Variants in LHPP observed in about 807,000 individuals in gnomAD.
LHPP encodes phospholysine phosphohistidine inorganic pyrophosphate phosphatase.
LHPP carries 24 observed loss-of-function variants against 30.3 expected under a neutral mutation model. The observed-to-expected ratio is 0.79, with a 90% CI of 0.57 to 1.11. The LOEUF (loss-of-function observed/expected upper bound fraction) is 1.11. Ranked by LOEUF, LHPP falls within the 50% of genes most tolerant of loss-of-function variation. The pLI, the probability that LHPP is intolerant of heterozygous loss-of-function variation, is 0.00. For missense variants in LHPP, 356 were observed against 367.2 expected (o/e 0.97, Z 0.25); for synonymous variants, 150 against 157.1 (o/e 0.95, Z 0.34).
At chr10:124,482,833 GTC>G (rs1953182696) in intron 1 of LHPP, among the ~76,000 whole-genome samples, 1 of 152,090 alleles carries the variant, frequency 6.6e-6, no homozygotes, top group African/African-American at 2.4e-5. Flanking sequence ...TCTGCATAGC[GTC>G]TCTCTCTTCT....
chr10:124,483,100 A>AGGGAAGAAGCTCGGGC (rs1440565168), intron 1 of LHPP, among the ~76,000 whole-genome samples: 2 of 152,156 alleles, frequency 1.3e-5, no homozygotes, highest in Non-Finnish European at 2.9e-5. Context: ...TGAAGTCAGG[A>AGGGAAGAAGCTCGGGC]GGGAAGAAGC....
intron 2 of LHPP, among the ~76,000 whole-genome samples, chr10:124,484,932 T>C (rs1306528952): frequency 6.6e-6 from 1 of 152,178 alleles, no homozygotes; most frequent in East Asian, 1.9e-4. Context: ...GGAACAATAT[T>C]ACTGGTGCCT....
At chr10:124,497,118 C>A (rs539292250) in intron 4 of LHPP, 94 bp downstream of exon 4, 10 of 1,008,550 alleles carry the variant, frequency 9.9e-6, no homozygotes, top group Admixed American at 2.0e-5. Context: ...GCTTAATTAA[C>A]GTACAAATGG....
chr10:124,470,145 C>G (rs1952684525), intron 1 of LHPP, among the ~76,000 whole-genome samples: 1 of 152,144 alleles, frequency 6.6e-6, no homozygotes, highest in East Asian at 1.9e-4. Context: ...CCGAGGGGAG[C>G]CATTCAGAGG....
At chr10:124,467,900 G>T (rs888997462) in intron 1 of LHPP, among the ~76,000 whole-genome samples, 1 of 152,048 alleles carries the variant, frequency 6.6e-6, no homozygotes, top group Non-Finnish European at 1.5e-5. Flanking sequence ...AGTAGAGACG[G>T]GGTTTCACCA....
chr10:124,497,584 C>T (rs1319830071), intron 4 of LHPP, among the ~76,000 whole-genome samples: 1 of 152,238 alleles, frequency 6.6e-6, no homozygotes, highest in Admixed American at 6.5e-5. Context: ...ACATCCCGTC[C>T]CATCCTCACA....
chr10:124,612,209 G>A (rs1949211248), intron 6 of LHPP, among the ~76,000 whole-genome samples: 1 of 151,852 alleles, frequency 6.6e-6, no homozygotes. Context: ...TCGGAGACCG[G>A]CCTGGCCAAC....
intron 6 of LHPP, among the ~76,000 whole-genome samples, chr10:124,581,871 T>A (rs1444768281): frequency 6.6e-6 from 1 of 152,184 alleles, no homozygotes; most frequent in African/African-American, 2.4e-5. Context: ...AAGCTCCGCC[T>A]CCTGGGTTCA....
intron 6 of LHPP, among the ~76,000 whole-genome samples, chr10:124,560,412 C>G (rs1948377362): frequency 6.6e-6 from 1 of 152,186 alleles, no homozygotes; most frequent in Non-Finnish European, 1.5e-5. Context: ...TACTTGTTAG[C>G]TTTGAAACAG....
In LHPP at chr10:124,579,057, C is replaced by T. The variant is rs140020003; in HGVS notation, c.717-34207C>T. Among the ~76,000 whole-genome samples the T allele has an allele frequency of 5.5e-3, 833 of 152,338 alleles. 6 individuals are homozygous for T. The highest frequency in any genetic ancestry group is 0.02 in the African/African-American group (812 of 41,580). Reference sequence around the variant, plus strand: ...TCCAGGCACAGTCACTGGGTCTCCCCGTCGAAGTGGCTCTAAGGCAGGTCT... The same window carrying T: ...TCCAGGCACAGTCACTGGGTCTCCCTGTCGAAGTGGCTCTAAGGCAGGTCT... On this transcript the variant is annotated intron_variant, in intron 6 of 6. Coordinates refer to ENST00000368842, the MANE Select transcript of LHPP (RefSeq NM_022126.4).
chr10:124,566,767 G>A (rs1948497799), intron 6 of LHPP, among the ~76,000 whole-genome samples: 1 of 152,184 alleles, frequency 6.6e-6, no homozygotes, highest in South Asian at 2.1e-4. Flanking sequence ...GAGGGAGGAG[G>A]CTGAGAGTCT....
intron 6 of LHPP, among the ~76,000 whole-genome samples, chr10:124,563,307 C>CTCTTATTT (rs574095982): frequency 3.8e-5 from 1 of 26,098 alleles, no homozygotes; most frequent in Non-Finnish European, 7.1e-5. Flanking sequence ...CTCTCTCTCT[C>CTCTTATTT]TTTTTCTTTT....
intron 6 of LHPP, among the ~76,000 whole-genome samples, chr10:124,537,610 A>G (rs779484786): frequency 6.6e-6 from 1 of 152,184 alleles, no homozygotes; most frequent in Non-Finnish European, 1.5e-5. Context: ...TGCTCGTGAG[A>G]GATGGCAGCC....
intron 1 of LHPP, among the ~76,000 whole-genome samples, chr10:124,479,068 CAA>C (rs55880798): frequency 0.41 from 55,946 of 134,870 alleles, 10,984 homozygotes; most frequent in East Asian, 0.58. Flanking sequence ...GACTCTGTCT[CAA>C]AAAAAAAAAA....
chr10:124,536,488 C>T (rs970488299), intron 6 of LHPP, among the ~76,000 whole-genome samples: 36 of 152,322 alleles, frequency 2.4e-4, no homozygotes, highest in African/African-American at 7.7e-4. Context: ...GCCCCCAGCC[C>T]GGTGGGTCAG....
At chr10:124,504,110 T>G (rs1218873719) in intron 5 of LHPP, among the ~76,000 whole-genome samples, 2 of 152,082 alleles carry the variant, frequency 1.3e-5, no homozygotes, top group Non-Finnish European at 2.9e-5. Flanking sequence ...GAGAATCACT[T>G]GAACCCAGGA....
At chr10:124,553,962 C>T (rs553822454) in intron 6 of LHPP, 87 of 985,444 alleles carry the variant, frequency 8.8e-5, no homozygotes, top group Admixed American at 3.7e-4. Context: ...GTCCTTGCGG[C>T]ACCATGCTCT....
In LHPP at chr10:124,517,605, C is replaced by G. The variant is rs1042648076; in HGVS notation, c.716+334C>G. Among the ~76,000 whole-genome samples, 3 of 152,186 alleles carry G rather than the reference C, an allele frequency of 2.0e-5. No homozygotes were observed. Among genetic ancestry groups the G allele is most frequent in the Non-Finnish European group, 4.4e-5 (3 of 68,042 alleles). ...GCTGCTGTCCCTTTGGCAATTTGAT[C>G]AGACCCTGCACTACGGCAGTTACAG... is the stretch of plus-strand genomic sequence containing the variant. On this transcript the variant is annotated intron_variant, in intron 6 of 6. Coordinates refer to ENST00000368842, the MANE Select transcript of LHPP (RefSeq NM_022126.4). The surrounding 1 kb of genome is among the most constrained non-coding windows in gnomAD (Gnocchi z 4.1).
rs187001776 is a variant in LHPP, at chr10:124,501,557, G to A, written c.624+3429G>A. Among the ~76,000 whole-genome samples the A allele has an allele frequency of 2.5e-4, 37 of 148,910 alleles. 1 individual carries two copies. Among genetic ancestry groups the A allele is most frequent in the African/African-American group, 7.8e-4 (31 of 39,606 alleles). ...GTGGAGATTGCAGTGAGCCGAGATC[G>A]TGCAACTGTGCTCCAGCCTGGGCGA... is the stretch of plus-strand genomic sequence containing the variant. On this transcript the variant is annotated intron_variant, in intron 5 of 6. Coordinates refer to ENST00000368842, the MANE Select transcript of LHPP (RefSeq NM_022126.4).
Sources: allele counts gnomAD v4.1 joint callset (sites outside exome capture counted in the v4.1 genomes callset), GRCh38; gene constraint gnomAD v4.1.1; non-coding constraint Gnocchi (gnomAD v3.1); transcripts MANE v1.5; gene names NCBI Gene and HGNC (gene_info 2026-07-23, HGNC 2026-07-21).